The following CDKN2AIPNL variants were observed in gnomAD, a reference collection of about 807,000 sequenced individuals.
CDKN2AIPNL encodes CDKN2AIP N-terminal-like protein.
CDKN2AIPNL carries 9 observed loss-of-function variants against 12.9 expected under a neutral mutation model. The ratio of observed to expected loss-of-function variants is 0.70; its 90% CI spans 0.42 to 1.22. The LOEUF is 1.22. Ranked by LOEUF, CDKN2AIPNL falls within the 50% of genes most tolerant of loss-of-function variation. CDKN2AIPNL has a pLI of 0.00. For synonymous variants in CDKN2AIPNL, 53 were observed against 61.7 expected (o/e 0.86, Z 0.66); for missense variants, 143 against 153.6 (o/e 0.93, Z 0.37).
intron 2 of CDKN2AIPNL, among the ~76,000 whole-genome samples, chr5:134,405,984 G>A (rs1013545958): frequency 1.3e-5 from 2 of 152,202 alleles, no homozygotes; most frequent in South Asian, 4.1e-4. Context: ...GCTGCCAGCA[G>A]TAGCCTAGGA....
intron 2 of CDKN2AIPNL, among the ~76,000 whole-genome samples, chr5:134,405,693 G>T (rs994221110): frequency 2.0e-5 from 3 of 152,136 alleles, no homozygotes; most frequent in African/African-American, 7.2e-5. Context: ...AGGATTACAG[G>T]CATGAGCCAC....
intron 2 of CDKN2AIPNL, among the ~76,000 whole-genome samples, chr5:134,403,260 A>G (rs890478877): frequency 2.0e-5 from 3 of 152,204 alleles, no homozygotes; most frequent in African/African-American, 7.2e-5. Flanking sequence ...ACAAACACTT[A>G]TTGTTCTAAA....
At chr5:134,411,485 C>T (rs1474831833) in intron 1 of CDKN2AIPNL, 131 bp downstream of exon 1, 1 of 738,088 alleles carries the variant, frequency 1.4e-6, no homozygotes, top group Non-Finnish European at 2.3e-6. Context: ...GTCTTCGGGC[C>T]GACCAATGCG....
chr5:134,406,776 G>A (rs747195637), intron 2 of CDKN2AIPNL, among the ~76,000 whole-genome samples: 1 of 152,212 alleles, frequency 6.6e-6, no homozygotes, highest in Non-Finnish European at 1.5e-5. Flanking sequence ...AGGCTAAGGT[G>A]CAAGGATCAC....
intron 2 of CDKN2AIPNL, among the ~76,000 whole-genome samples, chr5:134,408,050 G>C (rs191409245): frequency 7.1e-4 from 108 of 151,760 alleles, no homozygotes; most frequent in African/African-American, 2.5e-3. Context: ...AGAATCACTT[G>C]AGCCTGGGAG....
intron 2 of CDKN2AIPNL, among the ~76,000 whole-genome samples, chr5:134,406,709 T>A (rs1300020210): frequency 6.6e-6 from 1 of 152,064 alleles, no homozygotes; most frequent in African/African-American, 2.4e-5. Flanking sequence ...CAAAACCCAG[T>A]CTCTACAAAA....
chr5:134,411,023 C>T (rs1377078838), intron 1 of CDKN2AIPNL: 4 of 702,204 alleles, frequency 5.7e-6, no homozygotes, highest in African/African-American at 1.7e-5. Context: ...AAGGCATCGG[C>T]CATTTTCATA....
Position 134,402,689 on chromosome 5 carries a change from TG to T in CDKN2AIPNL, c.*225del, listed in dbSNP as rs1759045809. 2 of 422,220 alleles carry T rather than the reference TG, an allele frequency of 4.7e-6. No homozygotes were observed. The highest frequency in any genetic ancestry group is 8.4e-6 in the Non-Finnish European group (2 of 237,450). 26.2% of individuals were successfully genotyped at this position (422,220 alleles called of 1,614,324 possible). A position where few individuals can be genotyped will look rare whatever the true frequency, so the allele number is the denominator to read the frequency against. On this transcript the variant is annotated 3_prime_UTR_variant, in exon 3 of 3. Coordinates refer to ENST00000458198, the MANE Select transcript of CDKN2AIPNL (RefSeq NM_080656.3). ...GTTGATGAACTCATCTTAGAGTGCA[TG>T]ATTTATAAATACATAAATATCCATG... is the stretch of plus-strand genomic sequence containing the variant.
chr5:134,405,872 A>C (rs1759096541), intron 2 of CDKN2AIPNL, among the ~76,000 whole-genome samples: 1 of 152,192 alleles, frequency 6.6e-6, no homozygotes, highest in Non-Finnish European at 1.5e-5. Context: ...ATTACCTTGG[A>C]AATATTAATT....
chr5:134,407,256 AACACACACACACACACACACAC>A (rs5871539), intron 2 of CDKN2AIPNL, among the ~76,000 whole-genome samples: 5 of 139,710 alleles, frequency 3.6e-5, no homozygotes, highest in Admixed American at 7.3e-5. Context: ...GACCCTTCCT[AACACACACACACACACACACAC>A]ACACACACAC....
chr5:134,407,701 G>A (rs1038558642), intron 2 of CDKN2AIPNL, among the ~76,000 whole-genome samples: 4 of 151,174 alleles, frequency 2.6e-5, no homozygotes, highest in Admixed American at 6.6e-5. Context: ...TTAAACTCGC[G>A]AGGCAGAGGT....
Position 134,409,965 on chromosome 5 carries a change from C to T in CDKN2AIPNL, c.277G>A (p.Ala93Thr). 4 of 1,613,004 alleles carry T rather than the reference C, an allele frequency of 2.5e-6. No individual in the cohort carries two copies. The highest frequency in any genetic ancestry group is 2.5e-6 in the Non-Finnish European group (3 of 1,179,722). The change falls in exon 2 of 3, where the codon GCC becomes ACC. Residue 93 changes from alanine to threonine, a missense_variant. Coordinates refer to ENST00000458198, the MANE Select transcript of CDKN2AIPNL (RefSeq NM_080656.3). ...KDLLDKVMEM[A>T]DGIEVEDLPQ... ...AGGTCTTCCACTTCAATCCCATCGG[C>T]CATTTCCATCACCTTGTCTAAAAGG...
At chr5:134,411,207 A>G (rs1159939631) in intron 1 of CDKN2AIPNL, 11 of 665,752 alleles carry the variant, frequency 1.7e-5, no homozygotes, top group Non-Finnish European at 2.7e-5. Flanking sequence ...AAGCTTTTTC[A>G]TCTGTAAAAT....
At chr5:134,409,365 T>C (rs1759156843) in intron 2 of CDKN2AIPNL, among the ~76,000 whole-genome samples, 1 of 152,228 alleles carries the variant, frequency 6.6e-6, no homozygotes, top group Admixed American at 6.5e-5. Flanking sequence ...TGCCACATTC[T>C]GTAGCCCCAG....
At chr5:134,403,070 AAC>A (rs1384571103) in intron 2 of CDKN2AIPNL, 144 bp from the exon 3 acceptor site, 3 of 590,062 alleles carry the variant, frequency 5.1e-6, no homozygotes, top group Non-Finnish European at 8.0e-6. Flanking sequence ...AATATTTTAC[AAC>A]ATACAGAAAA....
chr5:134,405,785 G>A (rs914117345), intron 2 of CDKN2AIPNL, among the ~76,000 whole-genome samples: 7 of 152,178 alleles, frequency 4.6e-5, no homozygotes, highest in South Asian at 2.1e-4. Flanking sequence ...AATGGACCAC[G>A]TAAATTAGGT....
intron 2 of CDKN2AIPNL, among the ~76,000 whole-genome samples, chr5:134,406,659 G>GCACACC (rs1466525926): frequency 2.0e-5 from 3 of 152,184 alleles, no homozygotes; most frequent in African/African-American, 7.2e-5. Context: ...TTGGGAGGCT[G>GCACACC]AGGCAGGTGG....
rs780684394 is a variant in CDKN2AIPNL at position 134,411,721 on chromosome 5, A to G, written c.134T>C (p.Leu45Pro). 1.1e-5 allele frequency: 18 copies of G among 1,613,194 alleles called. No individual in the cohort carries two copies. In the South Asian group the frequency reaches 2.0e-4, roughly 18 times the overall value. ...KQWKARMEFI[L>P]RHLPDYRDPP... is the part of the protein sequence containing the mutation. ...GTCGCGGTAGTCGGGCAGGTGGCGC[A>G]GGATGAATTCCATGCGGGCCTTCCA... Residue 45 changes from leucine (L) to proline (P), a missense_variant, in exon 1 of 3, where the codon CTG (leucine) becomes CCG (proline). Physicochemically the swap from Leu to Pro is moderately conservative, Grantham distance 98. Transcript: ENST00000458198.
At chr5:134,409,508 AG>A (rs1759159092) in intron 2 of CDKN2AIPNL, among the ~76,000 whole-genome samples, 1 of 152,196 alleles carries the variant, frequency 6.6e-6, no homozygotes, top group Non-Finnish European at 1.5e-5. Flanking sequence ...AGCAAATCAC[AG>A]AAGCCAAACA....
Sources: gnomAD v4.1 joint callset for allele counts (sites outside exome capture counted in the v4.1 genomes callset) on GRCh38, gnomAD v4.1.1 for gene constraint, MANE v1.5 for transcripts, NCBI Gene and HGNC (gene_info 2026-07-23, HGNC 2026-07-21) for gene names.